CD109: variants seen among roughly 807,000 people sequenced by gnomAD.
CD109 encodes the protein CD109 antigen.
In CD109, 149 loss-of-function variants were observed where a neutral mutation model predicts 165.8. The observed-to-expected ratio is 0.90, with a 90% CI of 0.79 to 1.03. The LOEUF is 1.03. CD109 is among the 50% of genes least tolerant of loss of function. The probability of loss-of-function intolerance (pLI) is 0.00; values close to 1 mark genes in which losing one functional copy is unlikely to be tolerated. For missense variants in CD109, 1,712 were observed against 1,677.8 expected (o/e 1.02, Z -0.36); for synonymous variants, 585 against 592.1 (o/e 0.99, Z 0.18).
At chr6:73,762,554 T>G in intron 8 of CD109, 74 bp downstream of exon 8, 1 of 1,103,488 alleles carries the variant, frequency 9.1e-7, no homozygotes, top group Non-Finnish European at 1.3e-6. Context: ...GATTTAGTAC[T>G]GAATTAACAA....
At chr6:73,777,471 T>G (rs1466986151) in intron 15 of CD109, among the ~76,000 whole-genome samples, 1 of 152,192 alleles carries the variant, frequency 6.6e-6, no homozygotes, top group Non-Finnish European at 1.5e-5. Context: ...TTGCAATTGC[T>G]TTTGAAATCT....
chr6:73,705,617 C>A (rs991784550), intron 2 of CD109, among the ~76,000 whole-genome samples: 3 of 134,168 alleles, frequency 2.2e-5, no homozygotes, highest in African/African-American at 8.2e-5. Context: ...ATGGCCCTGT[C>A]TCAAGAAAAA....
chr6:73,803,577 G>A (rs1775457493), intron 24 of CD109, among the ~76,000 whole-genome samples: 2 of 151,434 alleles, frequency 1.3e-5, no homozygotes, highest in East Asian at 3.9e-4. Flanking sequence ...TTATGATGAT[G>A]GTGCAGCTGA....
chr6:73,715,955 TCTA>T (rs1425577880), intron 2 of CD109, among the ~76,000 whole-genome samples: 3 of 152,198 alleles, frequency 2.0e-5, no homozygotes, highest in Non-Finnish European at 2.9e-5. Flanking sequence ...TAACCATCCT[TCTA>T]CACTCTTATC....
intron 4 of CD109, among the ~76,000 whole-genome samples, chr6:73,734,707 C>T (rs1772482438): frequency 1.3e-5 from 2 of 152,202 alleles, no homozygotes; most frequent in African/African-American, 4.8e-5. Flanking sequence ...CAGCATTGTA[C>T]TTACCCCTAA....
intron 7 of CD109, among the ~76,000 whole-genome samples, chr6:73,761,518 T>A (rs1331879594): frequency 6.6e-6 from 1 of 152,076 alleles, no homozygotes; most frequent in Non-Finnish European, 1.5e-5. Context: ...ACCATTTATT[T>A]TTTATTTATT....
intron 23 of CD109, 40 bp downstream of exon 23, chr6:73,792,842 A>T: frequency 6.4e-7 from 1 of 1,552,118 alleles, no homozygotes; most frequent in South Asian, 1.2e-5. Flanking sequence ...GTAGAAAAAA[A>T]TTTGTTTTTT....
upstream of CD109, chr6:73,696,139 G>A: frequency 1.5e-6 from 2 of 1,366,148 alleles, no homozygotes; most frequent in Middle Eastern, 1.8e-4. Flanking sequence ...AAATCAGGGA[G>A]GAGGTGGCAA....
At chr6:73,765,035 G>T (rs1376070203) in intron 10 of CD109, among the ~76,000 whole-genome samples, 1 of 152,120 alleles carries the variant, frequency 6.6e-6, no homozygotes, top group Non-Finnish European at 1.5e-5. Flanking sequence ...TGTGGGATAG[G>T]CATGGGGGTT....
the CD109 span, among the ~76,000 whole-genome samples, chr6:73,682,288 C>A: frequency 6.6e-6 from 1 of 152,152 alleles, no homozygotes; most frequent in Non-Finnish European, 1.5e-5. Flanking sequence ...TGGGTAAATA[C>A]AGCCATTCCA....
intron 5 of CD109, among the ~76,000 whole-genome samples, chr6:73,750,809 A>G (rs1773159189): frequency 2.6e-5 from 4 of 152,160 alleles, no homozygotes; most frequent in African/African-American, 4.8e-5. Flanking sequence ...AGGTGAAGTA[A>G]AAAAGCACAT....
intron 2 of CD109, among the ~76,000 whole-genome samples, chr6:73,712,882 A>T (rs983127934): frequency 3.9e-5 from 6 of 152,182 alleles, no homozygotes; most frequent in Admixed American, 3.9e-4. Context: ...ACCTTACATA[A>T]CAGAGTGTGT....
intron 22 of CD109, among the ~76,000 whole-genome samples, chr6:73,789,278 A>C (rs1774825048): frequency 6.6e-6 from 1 of 152,260 alleles, no homozygotes. Context: ...TTTCCATAAC[A>C]TAATAGTACT....
chr6:73,776,532 G>A (rs11961757), intron 15 of CD109, among the ~76,000 whole-genome samples: 4,024 of 149,330 alleles, frequency 0.027, 206 homozygotes, highest in African/African-American at 0.094. Context: ...GATTGCAGGC[G>A]TGAGCCACCA....
At chr6:73,752,987 T>C (rs2150209940) in intron 5 of CD109, among the ~76,000 whole-genome samples, 1 of 152,334 alleles carries the variant, frequency 6.6e-6, no homozygotes, top group Admixed American at 6.5e-5. Flanking sequence ...TCAAATTTAG[T>C]TTAGTTCACC....
intron 2 of CD109, among the ~76,000 whole-genome samples, chr6:73,709,701 C>A (rs10223501): frequency 6.6e-6 from 1 of 151,806 alleles, no homozygotes; most frequent in East Asian, 1.9e-4. Context: ...AATAAAATAC[C>A]GGCAAACCAA....
intron 5 of CD109, among the ~76,000 whole-genome samples, chr6:73,747,164 T>C (rs1751029741): frequency 6.6e-6 from 1 of 152,250 alleles, no homozygotes; most frequent in South Asian, 2.1e-4. Flanking sequence ...CTTGCAGTGT[T>C]GACAGTCTCT....
intron 11 of CD109, 84 bp from the exon 12 acceptor site, chr6:73,766,675 T>A: frequency 1.0e-6 from 1 of 990,928 alleles, no homozygotes; most frequent in Non-Finnish European, 1.5e-6. Flanking sequence ...GAATTTGGTC[T>A]TTAATAATTG....
chr6:73,690,843 G>C (rs1341363723), upstream of CD109, among the ~76,000 whole-genome samples: 1 of 152,174 alleles, frequency 6.6e-6, no homozygotes, highest in Admixed American at 6.5e-5. Flanking sequence ...AAAGATACCA[G>C]CAAATTATGT....
Sources: gnomAD v4.1 joint callset for allele counts (sites outside exome capture counted in the v4.1 genomes callset) on GRCh38, gnomAD v4.1.1 for gene constraint, MANE v1.5 for transcripts, NCBI Gene and HGNC (gene_info 2026-07-23, HGNC 2026-07-21) for gene names.